Variants in SPG7 observed in about 807,000 individuals in gnomAD.
The protein encoded by SPG7 is mitochondrial inner membrane m-AAA protease component paraplegin.
A neutral mutation model predicts 81.9 loss-of-function variants in SPG7; 103 were observed. The ratio of observed to expected loss-of-function variants is 1.26; its 90% CI spans 1.07 to 1.48. The LOEUF is 1.48. Among genes scored for constraint, SPG7 ranks in the 40% most tolerant of loss-of-function variants. The pLI, the probability that SPG7 is intolerant of heterozygous loss-of-function variation, is 0.00. For synonymous variants in SPG7, 534 were observed against 444.2 expected (o/e 1.20, Z -2.54); for missense variants, 1,241 against 1,087.3 (o/e 1.14, Z -1.99).
At chr16:89,538,374 C>T (rs1171311836) in intron 9 of SPG7, 1 of 152,022 alleles carries the variant, frequency 6.6e-6, no homozygotes, top group African/African-American at 2.4e-5. Flanking sequence ...GGAAATTCTC[C>T]CAGGTCCAAG....
At chr16:89,524,286 G>A in intron 4 of SPG7, 39 bp downstream of exon 4, 1 of 1,584,342 alleles carries the variant, frequency 6.3e-7, no homozygotes, top group African/African-American at 1.4e-5. Context: ...TGAGGGTGTG[G>A]GCACAGGCTG....
intron 1 of SPG7, among the ~76,000 whole-genome samples, chr16:89,509,541 C>T (rs1381950722): frequency 2.0e-5 from 3 of 152,020 alleles, no homozygotes; most frequent in Admixed American, 6.6e-5. Flanking sequence ...TGAGCCACCG[C>T]GCCCGGCCAT....
At chr16:89,545,213 C>T (rs1278815973) in intron 10 of SPG7, 11 of 312,634 alleles carry the variant, frequency 3.5e-5, no homozygotes, top group South Asian at 3.1e-4. Context: ...GTGCAGCTGC[C>T]CTGAAATTGG....
chr16:89,536,702 G>C, intron 9 of SPG7: 1 of 1,598,912 alleles, frequency 6.3e-7, no homozygotes, highest in Non-Finnish European at 8.6e-7. Context: ...GCGCTGCTCT[G>C]GCTGTGTGGC....
chr16:89,547,099 A>G (rs1484991460), intron 11 of SPG7: 3 of 347,588 alleles, frequency 8.6e-6, no homozygotes, highest in African/African-American at 4.2e-5. Context: ...GTCCCGGCAA[A>G]GCCGCCTCCC....
chr16:89,537,069 T>A, intron 9 of SPG7: 1 of 1,568,198 alleles, frequency 6.4e-7, no homozygotes. Flanking sequence ...TCTTGTTGAG[T>A]GCCAGCTCTA....
intron 5 of SPG7, 142 bp from the exon 6 acceptor site, chr16:89,529,335 A>AT: frequency 1.4e-6 from 1 of 695,024 alleles, no homozygotes; most frequent in Non-Finnish European, 2.6e-6. Context: ...TTCCACAACC[A>AT]TTTTAATCTG....
chr16:89,531,159 A>G, intron 7 of SPG7: 2 of 392,780 alleles, frequency 5.1e-6, no homozygotes, highest in Non-Finnish European at 9.7e-6. Flanking sequence ...TGCGTCACTT[A>G]CACGTTTCCT....
intron 3 of SPG7, among the ~76,000 whole-genome samples, chr16:89,515,510 C>T (rs1187949375): frequency 6.7e-6 from 1 of 148,214 alleles, no homozygotes; most frequent in Non-Finnish European, 1.5e-5. Flanking sequence ...CTCGTGATCT[C>T]CCCACTTCGG....
chr16:89,523,324 C>T (rs1008809278), intron 3 of SPG7: 9 of 254,884 alleles, frequency 3.5e-5, no homozygotes, highest in African/African-American at 1.8e-4. Flanking sequence ...GTTAGTCATT[C>T]TGATGAGTAA....
At chr16:89,547,676 G>C in intron 11 of SPG7, 1 of 370,898 alleles carries the variant, frequency 2.7e-6, no homozygotes, top group South Asian at 2.1e-5. Flanking sequence ...GCAGTGGCGT[G>C]ATCTTGGCTC....
intron 9 of SPG7, 122 bp from the exon 10 acceptor site, chr16:89,544,525 TC>T: frequency 1.1e-5 from 13 of 1,153,686 alleles, no homozygotes; most frequent in Non-Finnish European, 1.6e-5. Flanking sequence ...ACCGGGCTGT[TC>T]CTTTCTCTCT....
At position 89,524,134 on chromosome 16, in the gene SPG7, G is replaced by A. The variant is rs769321645; in HGVS notation, c.505G>A (p.Asp169Asn). Reference sequence around the variant, plus strand: ...CAGCGGAGGCAGCATTTCCTGGAACGACTTTGTCCACGAGATGCTGGCCAA... The same window carrying A: ...CAGCGGAGGCAGCATTTCCTGGAACAACTTTGTCCACGAGATGCTGGCCAA... ...STSGGSISWN[D>N]FVHEMLAKGE... Residue 169 changes from aspartate (D) to asparagine (N), a missense_variant, in exon 4 of 17, where the codon GAC (aspartate) becomes AAC (asparagine). Coordinates refer to ENST00000645818, the MANE Select transcript of SPG7 (RefSeq NM_003119.4). The A allele has an allele frequency of 7.4e-6, 12 of 1,614,034 alleles. No individual in the cohort carries two copies. Among genetic ancestry groups the A allele is most frequent in the East Asian group, 6.7e-5 (3 of 44,892 alleles).
At chr16:89,517,579 A>G (rs2152396709) in intron 3 of SPG7, 1 of 149,920 alleles carries the variant, frequency 6.7e-6, no homozygotes, top group African/African-American at 2.5e-5. Context: ...TGTAGCTGAC[A>G]TGCGTGTCTC....
In SPG7 at chr16:89,536,549, A is replaced by G. The variant is rs646978; in HGVS notation, c.1324+3913A>G. Among the ~76,000 whole-genome samples, 232 of 105,020 alleles carry G rather than the reference A, an allele frequency of 2.2e-3. 17 individuals are homozygous for G. Among genetic ancestry groups the G allele is most frequent in the African/African-American group, 7.7e-3 (207 of 26,946 alleles). 68.9% of individuals were successfully genotyped at this position (105,020 alleles called of 152,430 possible). On this transcript the variant is annotated intron_variant, in intron 9 of 16. Coordinates refer to ENST00000645818, the MANE Select transcript of SPG7 (RefSeq NM_003119.4). ...TGAGGCGGGTGAGGTCAGGTGAGGCAGGTGAGGTGAGGCGGGTGAGGTCAG... is the reference window on the plus strand; with the variant it reads ...TGAGGCGGGTGAGGTCAGGTGAGGCGGGTGAGGTGAGGCGGGTGAGGTCAG...
At chr16:89,551,080 A>C in intron 13 of SPG7, 1 of 229,216 alleles carries the variant, frequency 4.4e-6, no homozygotes. Flanking sequence ...CAAACAAACA[A>C]AAAACTACTC....
intron 3 of SPG7, among the ~76,000 whole-genome samples, chr16:89,514,789 C>T (rs1012683724): frequency 1.3e-5 from 2 of 151,932 alleles, no homozygotes; most frequent in Non-Finnish European, 2.9e-5. Flanking sequence ...TGAGCCACCG[C>T]GTCAGGCCCT....
chr16:89,550,166 C>G (rs111936480), intron 12 of SPG7: 5 of 359,460 alleles, frequency 1.4e-5, no homozygotes, highest in African/African-American at 8.5e-5. Flanking sequence ...CTCACCCCCC[C>G]GTCATTCTTT....
rs1424470244 is a variant in SPG7 at position 89,544,730 on chromosome 16, C to T, written c.1407C>T (p.Gly469=). The T allele has an allele frequency of 6.2e-7, 1 of 1,614,108 alleles. No individual in the cohort carries two copies. Among genetic ancestry groups the T allele is most frequent in the South Asian group, 1.1e-5 (1 of 91,084 alleles). ...DILDGALMRP[G]RLDRHVFIDL... is the part of the protein sequence containing the mutation. ...TGGACGGTGCTCTGATGAGGCCAGG[C>T]CGACTGGACCGGCACGTCTTCATTG... Residue 469 remains glycine, a synonymous_variant, in exon 10 of 17, where the codon GGC becomes GGT. Coordinates refer to ENST00000645818, the MANE Select transcript of SPG7 (RefSeq NM_003119.4).
Sources: allele counts gnomAD v4.1 joint callset (sites outside exome capture counted in the v4.1 genomes callset), GRCh38; gene constraint gnomAD v4.1.1; transcripts MANE v1.5; gene names NCBI Gene and HGNC (gene_info 2026-07-23, HGNC 2026-07-21).